AGBL1: variants seen among roughly 807,000 people sequenced by gnomAD.
AGBL1 encodes cytosolic carboxypeptidase 4.
AGBL1 carries 130 observed loss-of-function variants against 118.9 expected under a neutral mutation model. The ratio of observed to expected loss-of-function variants is 1.09; its 90% CI spans 0.95 to 1.26. The LOEUF (loss-of-function observed/expected upper bound fraction) is 1.26, where lower values mean the gene tolerates loss of function less well. Ranked by LOEUF, AGBL1 falls within the 50% of genes most tolerant of loss-of-function variation. The pLI, the probability that AGBL1 is intolerant of heterozygous loss-of-function variation, is 0.00. For synonymous variants in AGBL1, 555 were observed against 478.9 expected (o/e 1.16, Z -2.08); for missense variants, 1,584 against 1,298.1 (o/e 1.22, Z -3.38).
chr15:86,575,993 G>A (rs1395009926), intron 21 of AGBL1, among the ~76,000 whole-genome samples: 1 of 152,148 alleles, frequency 6.6e-6, no homozygotes, highest in Non-Finnish European at 1.5e-5. Flanking sequence ...TGATAACAAT[G>A]TGCAAACAAG....
At position 86,976,206 on chromosome 15, in the gene AGBL1, A is replaced by G. The variant is rs187920745; in HGVS notation, c.3222-11781A>G. ...AATAAATTATATTATTTAAGAAATT[A>G]TAATTTATTCTAGTAATATATATGC... On this transcript the variant is annotated intron_variant, in intron 23 of 24. Transcript: ENST00000441037. 6.0e-5 allele frequency among the ~76,000 whole-genome samples: 9 copies of G among 150,296 alleles called. No individual in the cohort carries two copies. In the Admixed American group the frequency reaches 6.0e-4, roughly 10 times the overall value.
chr15:86,234,093 A>G (rs2078499386), intron 6 of AGBL1, among the ~76,000 whole-genome samples: 1 of 152,130 alleles, frequency 6.6e-6, no homozygotes, highest in Non-Finnish European at 1.5e-5. Flanking sequence ...GATCCTGTCA[A>G]GACTTAGTTC....
chr15:86,120,368 C>A (rs1415629156), intron 1 of AGBL1, among the ~76,000 whole-genome samples: 1 of 152,212 alleles, frequency 6.6e-6, no homozygotes, highest in Non-Finnish European at 1.5e-5. Flanking sequence ...GTGAGCCTGT[C>A]TCCAGGATGC....
Position 86,738,621 on chromosome 15 carries a change from T to C in AGBL1, c.3158+64185T>C, listed in dbSNP as rs1173566423. Among the ~76,000 whole-genome samples, 3 of 152,250 alleles carry C rather than the reference T, an allele frequency of 2.0e-5. No homozygotes were observed. In the East Asian group the frequency reaches 5.8e-4, roughly 29 times the overall value. On this transcript the variant is annotated intron_variant, in intron 22 of 22. Transcript: ENST00000614907. The stretch of plus-strand genomic sequence containing the variant: ...ATCCGTTACGCATTATTGTCCATTA[T>C]GCATTATTGCCAATATTCTGGCAAT...
chr15:86,173,800 G>A (rs950475517), intron 5 of AGBL1, among the ~76,000 whole-genome samples: 4 of 152,048 alleles, frequency 2.6e-5, no homozygotes, highest in African/African-American at 9.7e-5. Flanking sequence ...GTGCTGGTCT[G>A]TATGTCTGTT....
chr15:86,772,141 C>A (rs1207711091), intron 22 of AGBL1, among the ~76,000 whole-genome samples: 1 of 151,980 alleles, frequency 6.6e-6, no homozygotes, highest in Non-Finnish European at 1.5e-5. Context: ...TTCAGCATCT[C>A]CTTGGGAAAC....
intron 22 of AGBL1, among the ~76,000 whole-genome samples, chr15:86,801,865 A>C (rs1021171378): frequency 1.4e-4 from 21 of 152,250 alleles, no homozygotes; most frequent in African/African-American, 5.1e-4. Flanking sequence ...AGAGAGCTGC[A>C]GAGGAACCTG....
chr15:86,193,037 ATT>A (rs1048848661), intron 5 of AGBL1, among the ~76,000 whole-genome samples: 10 of 152,296 alleles, frequency 6.6e-5, no homozygotes, highest in African/African-American at 2.4e-4. Flanking sequence ...TAAAAAAAGT[ATT>A]TTTTAGAAAA....
At chr15:86,528,457 A>T (rs1395178099) in intron 19 of AGBL1, among the ~76,000 whole-genome samples, 2 of 151,940 alleles carry the variant, frequency 1.3e-5, no homozygotes, top group Non-Finnish European at 2.9e-5. Context: ...GGAGGGTCCT[A>T]CACCCACGGA....
rs1451541347 is a variant in AGBL1, at chr15:86,636,732, TATATATATATATATATATATATATATAC to T, written c.2995-37539_2995-37512del. On this transcript the variant is annotated intron_variant, in intron 21 of 22. Coordinates refer to ENST00000614907, the MANE Select transcript of AGBL1 (RefSeq NM_001386094.1). ...ATATATATATATATATATATATATA[TATATATATATATATATATATATATATAC>T]ACATACATACAGAAAGGCAAGAGAA... Among the ~76,000 whole-genome samples, 47 of 49,696 alleles carry T rather than the reference TATATATATATATATATATATATATATAC, an allele frequency of 9.5e-4. 3 individuals carry two copies. The highest frequency in any genetic ancestry group is 2.4e-3 in the African/African-American group (23 of 9,748). 32.6% of individuals were successfully genotyped at this position (49,696 alleles called of 152,430 possible). A position where few individuals can be genotyped will look rare whatever the true frequency, so the allele number is the denominator to read the frequency against.
chr15:86,932,964 C>T (rs1284984125), intron 23 of AGBL1: 1 of 152,050 alleles, frequency 6.6e-6, no homozygotes, highest in Non-Finnish European at 1.5e-5. Flanking sequence ...TTTTTTAAGG[C>T]TAAGTGTAAG....
intron 18 of AGBL1, among the ~76,000 whole-genome samples, chr15:86,474,982 G>A (rs962039694): frequency 2.6e-5 from 4 of 152,176 alleles, no homozygotes; most frequent in Non-Finnish European, 4.4e-5. Flanking sequence ...GTGGACCTCC[G>A]GCAAACTCCA....
At chr15:86,216,307 A>G (rs2078187895) in intron 5 of AGBL1, among the ~76,000 whole-genome samples, 1 of 152,100 alleles carries the variant, frequency 6.6e-6, no homozygotes, top group East Asian at 1.9e-4. Flanking sequence ...TGTTAAGCAG[A>G]GGTAGCAGAA....
intron 21 of AGBL1, among the ~76,000 whole-genome samples, chr15:86,625,570 T>A (rs898906911): frequency 6.6e-6 from 1 of 151,818 alleles, no homozygotes; most frequent in Admixed American, 6.6e-5. Flanking sequence ...GTTTCAGACA[T>A]GATGAGATGA....
At chr15:86,769,542 C>T (rs1323598210) in intron 22 of AGBL1, among the ~76,000 whole-genome samples, 2 of 151,878 alleles carry the variant, frequency 1.3e-5, no homozygotes, top group Non-Finnish European at 2.9e-5. Flanking sequence ...TAATCTTGTC[C>T]AAGAACTCTG....
chr15:86,630,565 C>G (rs958183070), intron 21 of AGBL1: 1 of 152,268 alleles, frequency 6.6e-6, no homozygotes, highest in Non-Finnish European at 1.5e-5. Context: ...GCTCCACAAG[C>G]TCTCACGGAT....
At chr15:86,129,459 C>G (rs78171238) in intron 1 of AGBL1, among the ~76,000 whole-genome samples, 4,005 of 152,276 alleles carry the variant, frequency 0.026, 188 homozygotes, top group African/African-American at 0.091. Flanking sequence ...ATCCCTGAAA[C>G]AGGGAGATTT....
chr15:86,916,143 G>A lies in AGBL1; in HGVS notation c.*8849G>A, dbSNP rs1567238765. Reference sequence around the variant, plus strand: ...TGCATTGACTTTAATAAAACAGAGTGTAAAACAACTTTAGATTGACTCCAG... The same window carrying A: ...TGCATTGACTTTAATAAAACAGAGTATAAAACAACTTTAGATTGACTCCAG... On this transcript the variant is annotated 3_prime_UTR_variant, in exon 23 of 23. Transcript: ENST00000614907. 1 of 152,178 alleles carries A rather than the reference G, an allele frequency of 6.6e-6. No individual in the cohort carries two copies. Among genetic ancestry groups the A allele is most frequent in the Non-Finnish European group, 1.5e-5 (1 of 68,040 alleles). The allele number at this position is 152,178 out of a possible 1,614,324, so 9.4% of individuals were successfully genotyped here. A position where few individuals can be genotyped will look rare whatever the true frequency, so the allele number is the denominator to read the frequency against.
rs1007268579 is a variant in AGBL1, at chr15:86,298,184, C to A, written c.2374+2776C>A. ...GAGATTGCATGACCTAAGCCACGTG[C>A]TGGGGCACAGTTTCAGCAGGGCTAC... is the stretch of plus-strand genomic sequence containing the variant. On this transcript the variant is annotated intron_variant, in intron 17 of 22. Coordinates refer to ENST00000614907, the MANE Select transcript of AGBL1 (RefSeq NM_001386094.1). Among the ~76,000 whole-genome samples, 4 of 145,496 alleles carry A rather than the reference C, an allele frequency of 2.7e-5. No individual in the cohort carries two copies. The Admixed American group carries it at 2.8e-4, about 10-fold the overall frequency.
Sources: gnomAD v4.1 joint callset for allele counts (sites outside exome capture counted in the v4.1 genomes callset) on GRCh38, gnomAD v4.1.1 for gene constraint, MANE v1.5 for transcripts, NCBI Gene and HGNC (gene_info 2026-07-23, HGNC 2026-07-21) for gene names.